Variants in PLA2G10 observed in about 807,000 individuals in gnomAD.
PLA2G10 encodes the protein group 10 secretory phospholipase A2.
A neutral mutation model predicts 7.9 loss-of-function variants in PLA2G10; 9 were observed. That is an observed-to-expected ratio of 1.14 (90% CI 0.68 to 1.98). The LOEUF (loss-of-function observed/expected upper bound fraction) is 1.98, where lower values mean the gene tolerates loss of function less well. Ranked by LOEUF, PLA2G10 falls within the 30% of genes most tolerant of loss-of-function variation. PLA2G10 has a pLI of 0.00. For synonymous variants in PLA2G10, 19 were observed against 27.5 expected, an observed-to-expected ratio of 0.69 and a Z score of 0.97; for missense variants, 53 against 65.4, an observed-to-expected ratio of 0.81 and a Z score of 0.66.
At chr16:14,687,474 T>A (rs1961119334) in intron 3 of PLA2G10, among the ~76,000 whole-genome samples, 1 of 151,852 alleles carries the variant, frequency 6.6e-6, no homozygotes, top group Non-Finnish European at 1.5e-5. Flanking sequence ...GGATCACAGA[T>A]GTGTGCCACC....
chr16:14,687,684 A>G (rs1051245000), intron 3 of PLA2G10, among the ~76,000 whole-genome samples: 1 of 151,850 alleles, frequency 6.6e-6, no homozygotes, highest in Non-Finnish European at 1.5e-5. Context: ...TTCTTTTTCA[A>G]GTCCTCATTG....
At chr16:14,684,387 CCAGG>C (rs1353258286) in intron 3 of PLA2G10, among the ~76,000 whole-genome samples, 3 of 148,504 alleles carry the variant, frequency 2.0e-5, no homozygotes, top group African/African-American at 7.5e-5. Flanking sequence ...GGGCACTTGG[CCAGG>C]CACAGTGGCT....
chr16:14,677,920 TGATG>T (rs1439249684), intron 3 of PLA2G10, among the ~76,000 whole-genome samples: 1 of 150,848 alleles, frequency 6.6e-6, no homozygotes, highest in Non-Finnish European at 1.5e-5. Context: ...AATGGATGGA[TGATG>T]GATGGATGGA....
chr16:14,682,322 C>A (rs1262473275), intron 3 of PLA2G10, among the ~76,000 whole-genome samples: 4 of 152,174 alleles, frequency 2.6e-5, no homozygotes, highest in African/African-American at 9.6e-5. Flanking sequence ...GTGGCTCGTG[C>A]CTGTAATCCC....
chr16:14,686,002 T>C (rs1424354747), intron 3 of PLA2G10, among the ~76,000 whole-genome samples: 2 of 146,370 alleles, frequency 1.4e-5, no homozygotes, highest in Non-Finnish European at 3.0e-5. Context: ...TTTTTTTTTT[T>C]TTTTTTTTGA....
intron 3 of PLA2G10, among the ~76,000 whole-genome samples, chr16:14,679,902 C>T (rs1960840931): frequency 6.6e-6 from 1 of 151,956 alleles, no homozygotes; most frequent in Non-Finnish European, 1.5e-5. Context: ...CACTCTTCTG[C>T]ATTCCCAGCA....
At chr16:14,675,970 A>G (rs1253187590) in intron 3 of PLA2G10, among the ~76,000 whole-genome samples, 1 of 151,924 alleles carries the variant, frequency 6.6e-6, no homozygotes, top group Non-Finnish European at 1.5e-5. Flanking sequence ...CATGACATGA[A>G]TAGACATTTC....
chr16:14,684,337 CAAAAAAAAAAA>C (rs71373100), intron 3 of PLA2G10, among the ~76,000 whole-genome samples: 7 of 39,786 alleles, frequency 1.8e-4, no homozygotes, highest in African/African-American at 4.4e-4. Context: ...GACTCCATCT[CAAAAAAAAAAA>C]AAAAAAAAAA....
At chr16:14,674,427 G>A (rs976777303) in intron 3 of PLA2G10, among the ~76,000 whole-genome samples, 1 of 152,258 alleles carries the variant, frequency 6.6e-6, no homozygotes, top group East Asian at 1.9e-4. Flanking sequence ...AAATAGGCTG[G>A]GCACAGTGGC....
At chr16:14,687,262 A>C (rs1961107341) in intron 3 of PLA2G10, among the ~76,000 whole-genome samples, 2 of 151,938 alleles carry the variant, frequency 1.3e-5, no homozygotes, top group South Asian at 4.2e-4. Context: ...GGATTGCCTG[A>C]GGGACCTGAG....
chr16:14,682,677 A>G (rs1008328735), intron 3 of PLA2G10, among the ~76,000 whole-genome samples: 4 of 152,236 alleles, frequency 2.6e-5, no homozygotes, highest in African/African-American at 9.6e-5. Context: ...TTTAATCAAG[A>G]GTTGGAACAG....
intron 3 of PLA2G10, among the ~76,000 whole-genome samples, chr16:14,686,718 C>T (rs906089862): frequency 2.6e-5 from 4 of 152,152 alleles, no homozygotes; most frequent in Non-Finnish European, 5.9e-5. Flanking sequence ...TGCTCTCAAA[C>T]TCCTGGCCTC....
chr16:14,684,464 G>A (rs966255570), intron 3 of PLA2G10, among the ~76,000 whole-genome samples: 1 of 151,020 alleles, frequency 6.6e-6, no homozygotes, highest in Non-Finnish European at 1.5e-5. Flanking sequence ...TCAGGAATTT[G>A]AGACCAGCCT....
chr16:14,682,392 G>C (rs1960917339), intron 3 of PLA2G10, among the ~76,000 whole-genome samples: 1 of 152,038 alleles, frequency 6.6e-6, no homozygotes, highest in African/African-American at 2.4e-5. Context: ...AGCCAACATG[G>C]TGAAACACTG....
chr16:14,681,167 G>C (rs1484112128), intron 3 of PLA2G10, among the ~76,000 whole-genome samples: 1 of 138,724 alleles, frequency 7.2e-6, no homozygotes, highest in East Asian at 2.5e-4. Context: ...CTATCTCAAA[G>C]AAAAGAAAAG....
At chr16:14,674,830 A>G (rs1960683650) in intron 3 of PLA2G10, among the ~76,000 whole-genome samples, 1 of 152,178 alleles carries the variant, frequency 6.6e-6, no homozygotes. Flanking sequence ...AGAACAGAAT[A>G]GAAAACCCAG....
intron 3 of PLA2G10, among the ~76,000 whole-genome samples, chr16:14,684,877 T>C (rs968296267): frequency 6.6e-6 from 1 of 152,118 alleles, no homozygotes; most frequent in Non-Finnish European, 1.5e-5. Flanking sequence ...CTCCTAGGTA[T>C]ATACTCCAAA....
At position 14,677,076 on chromosome 16, in the gene PLA2G10, C is replaced by G. The variant is rs540432361; in HGVS notation, c.356-4327G>C. 1.0e-3 allele frequency among the ~76,000 whole-genome samples: 153 copies of G among 152,042 alleles called. 4 individuals are homozygous for G. The South Asian group carries it at 0.02, about 20-fold the overall frequency. On this transcript the variant is annotated intron_variant, in intron 3 of 3. Coordinates refer to ENST00000438167, the MANE Select transcript of PLA2G10 (RefSeq NM_003561.3). ...ACCACTATACAATTCATCCATGTAA[C>G]CAAAAACCACTTGTACCCCTAAGGC...
At chr16:14,686,413 T>G (rs755528803) in intron 3 of PLA2G10, among the ~76,000 whole-genome samples, 6 of 152,216 alleles carry the variant, frequency 3.9e-5, no homozygotes, top group Non-Finnish European at 8.8e-5. Context: ...CCCTGTACCA[T>G]TACTCACTTC....
Sources: gnomAD v4.1 joint callset for allele counts (sites outside exome capture counted in the v4.1 genomes callset) on GRCh38, gnomAD v4.1.1 for gene constraint, MANE v1.5 for transcripts, NCBI Gene and HGNC (gene_info 2026-07-23, HGNC 2026-07-21) for gene names.